ARMC8: variants seen among roughly 807,000 people sequenced by gnomAD.
ARMC8 encodes the protein armadillo repeat-containing protein 8.
In ARMC8, 20 loss-of-function variants were observed where a neutral mutation model predicts 99.3. The ratio of observed to expected loss-of-function variants is 0.20; its 90% CI spans 0.14 to 0.29. ARMC8 has a LOEUF of 0.29. ARMC8 is among the 10% of genes least tolerant of loss of function. The probability of loss-of-function intolerance (pLI) is 1.00; values close to 1 mark genes in which losing one functional copy is unlikely to be tolerated. For missense variants in ARMC8, 569 were observed against 809.5 expected, an observed-to-expected ratio of 0.70 and a Z score of 3.60; for synonymous variants, 263 against 278.3, an observed-to-expected ratio of 0.95 and a Z score of 0.55.
intron 19 of ARMC8, among the ~76,000 whole-genome samples, chr3:138,287,032 A>C (rs926973391): frequency 2.6e-5 from 4 of 152,008 alleles, no homozygotes; most frequent in African/African-American, 9.7e-5. Context: ...CACTGCCCCC[A>C]CCCTAGTCAG....
intron 7 of ARMC8, among the ~76,000 whole-genome samples, chr3:138,235,798 CTTTTTT>C (rs71146120): frequency 6.2e-5 from 5 of 80,540 alleles, no homozygotes; most frequent in Admixed American, 3.0e-4. Flanking sequence ...TCCTTTTAGT[CTTTTTT>C]TTTTTTTTTT....
At chr3:138,275,240 T>C (rs538396495) in intron 18 of ARMC8, among the ~76,000 whole-genome samples, 1 of 152,344 alleles carries the variant, frequency 6.6e-6, no homozygotes, top group African/African-American at 2.4e-5. Flanking sequence ...AGGTTTTGGC[T>C]ACATGGTTAT....
intron 18 of ARMC8, among the ~76,000 whole-genome samples, chr3:138,283,844 A>G (rs143725678): frequency 1.3e-5 from 2 of 152,182 alleles, no homozygotes. Flanking sequence ...GTTGCTTCAT[A>G]CATTTTACTT....
chr3:138,274,856 A>C (rs923434165), intron 18 of ARMC8, among the ~76,000 whole-genome samples: 6 of 152,128 alleles, frequency 3.9e-5, no homozygotes, highest in Non-Finnish European at 8.8e-5. Flanking sequence ...TAAATAAGTG[A>C]TTTCCAGGAT....
chr3:138,217,783 A>G (rs1038668426), intron 2 of ARMC8, among the ~76,000 whole-genome samples: 1 of 152,182 alleles, frequency 6.6e-6, no homozygotes, highest in Non-Finnish European at 1.5e-5. Flanking sequence ...ATCTCACCTC[A>G]AAGATAATTC....
chr3:138,276,146 A>G (rs1174074039), intron 18 of ARMC8, among the ~76,000 whole-genome samples: 1 of 152,194 alleles, frequency 6.6e-6, no homozygotes, highest in Non-Finnish European at 1.5e-5. Flanking sequence ...ACACAAAGGA[A>G]CTTTCTCATA....
chr3:138,206,790 G>A (rs1195845666), intron 1 of ARMC8, among the ~76,000 whole-genome samples: 3 of 152,196 alleles, frequency 2.0e-5, no homozygotes, highest in Non-Finnish European at 4.4e-5. Flanking sequence ...TTAGACAAAA[G>A]CGTAGAGTAA....
In ARMC8 at chr3:138,269,303, T is replaced by C. The variant is rs1314399121; in HGVS notation, c.1387-737T>C. ...TATAATCCTCTTGACAAGTGACCTT[T>C]AAGCATTCATCGGTGATGGTAAATC... is the stretch of plus-strand genomic sequence containing the variant. On this transcript the variant is annotated intron_variant, in intron 15 of 21. Coordinates refer to ENST00000469044, the MANE Select transcript of ARMC8 (RefSeq NM_001363941.2). Among the ~76,000 whole-genome samples the C allele has an allele frequency of 2.6e-5, 4 of 152,236 alleles. No homozygotes were observed. In the South Asian group the frequency reaches 6.2e-4, roughly 24 times the overall value.
At chr3:138,257,774 T>A (rs986684399) in intron 12 of ARMC8, among the ~76,000 whole-genome samples, 1 of 152,220 alleles carries the variant, frequency 6.6e-6, no homozygotes, top group African/African-American at 2.4e-5. Flanking sequence ...TTGACACTTA[T>A]GAGACTAAAT....
At chr3:138,270,217 T>A in intron 16 of ARMC8, 85 bp downstream of exon 16, 1 of 1,084,990 alleles carries the variant, frequency 9.2e-7, no homozygotes. Flanking sequence ...TTATTTGAAA[T>A]GTCTGGAATT....
At chr3:138,293,220 C>T (rs1343313202) in intron 21 of ARMC8, among the ~76,000 whole-genome samples, 1 of 152,172 alleles carries the variant, frequency 6.6e-6, no homozygotes, top group Non-Finnish European at 1.5e-5. Flanking sequence ...CCTCTGCTTC[C>T]CCGAAGCTTA....
chr3:138,253,940 G>A (rs1406416877), intron 12 of ARMC8, among the ~76,000 whole-genome samples: 1 of 152,190 alleles, frequency 6.6e-6, no homozygotes, highest in East Asian at 1.9e-4. Context: ...TTATGAATGA[G>A]TCTGGAAAAG....
intron 12 of ARMC8, among the ~76,000 whole-genome samples, chr3:138,253,521 A>G (rs1204747228): frequency 6.6e-6 from 1 of 152,228 alleles, no homozygotes; most frequent in Non-Finnish European, 1.5e-5. Context: ...ATGGCATAGA[A>G]TGGCAAGAAA....
chr3:138,240,368 T>C lies in ARMC8; in HGVS notation c.837+840T>C, dbSNP rs182384283. 2.6e-4 allele frequency among the ~76,000 whole-genome samples: 39 copies of C among 152,290 alleles called. No individual in the cohort carries two copies. In the East Asian group the frequency reaches 6.8e-3, roughly 26 times the overall value. On this transcript the variant is annotated intron_variant, in intron 10 of 21. Transcript: ENST00000469044. ...TTTAGTCTTTGGGGAAGAGAATTAA[T>C]TTAATGAGATCTGAACACTCCCTAA...
intron 6 of ARMC8, among the ~76,000 whole-genome samples, chr3:138,234,441 A>C (rs181342992): frequency 1.1e-3 from 162 of 152,336 alleles, no homozygotes; most frequent in African/African-American, 3.7e-3. Context: ...AAAATGAGAT[A>C]GAAATATGGA....
At chr3:138,264,054 TG>T (rs2048015662) in intron 13 of ARMC8, 76 bp from the exon 14 acceptor site, 6 of 1,362,868 alleles carry the variant, frequency 4.4e-6, no homozygotes, top group Admixed American at 3.5e-5. Flanking sequence ...CATTAGTCAT[TG>T]TAAAATGCCA....
intron 12 of ARMC8, chr3:138,245,391 G>A: frequency 2.1e-6 from 3 of 1,396,548 alleles, no homozygotes; most frequent in East Asian, 2.6e-5. Context: ...TGGCCGTGCT[G>A]GAATGACAAA....
chr3:138,244,389 C>T (rs1382854218), intron 11 of ARMC8, among the ~76,000 whole-genome samples: 1 of 151,958 alleles, frequency 6.6e-6, no homozygotes, highest in Non-Finnish European at 1.5e-5. Flanking sequence ...ACCATTCTCC[C>T]GCCTCAGCCT....
chr3:138,194,694 A>G (rs935225183), intron 1 of ARMC8, among the ~76,000 whole-genome samples: 6 of 151,868 alleles, frequency 4.0e-5, no homozygotes, highest in South Asian at 4.2e-4. Flanking sequence ...GGTATTCCAA[A>G]TCTGGATATT....
Sources: allele counts gnomAD v4.1 joint callset (sites outside exome capture counted in the v4.1 genomes callset), GRCh38; gene constraint gnomAD v4.1.1; transcripts MANE v1.5; gene names NCBI Gene and HGNC (gene_info 2026-07-23, HGNC 2026-07-21).